WWP1: variants seen among roughly 807,000 people sequenced by gnomAD.
WWP1 encodes WW domain containing E3 ubiquitin protein ligase 1.
A neutral mutation model predicts 130.6 loss-of-function variants in WWP1; 49 were observed. The ratio of observed to expected loss-of-function variants is 0.38; its 90% confidence interval spans 0.30 to 0.48. The LOEUF (loss-of-function observed/expected upper bound fraction) is 0.48, where lower values mean the gene tolerates loss of function less well. Ranked by LOEUF, WWP1 falls within the 20% of genes least tolerant of loss-of-function variation. The pLI is 0.99. For synonymous variants in WWP1, 332 were observed against 367.8 expected, an observed-to-expected ratio of 0.90 and a Z score of 1.11; for missense variants, 809 against 1,100.6, an observed-to-expected ratio of 0.74 and a Z score of 3.75.
intron 17 of WWP1, chr8:86,440,782 T>G (rs1164261787): frequency 2.4e-6 from 1 of 408,374 alleles, no homozygotes; most frequent in Non-Finnish European, 4.8e-6. Flanking sequence ...ATCTTTTCTC[T>G]GATCATTTTT....
chr8:86,457,366 G>C (rs1435750090), intron 21 of WWP1, among the ~76,000 whole-genome samples: 1 of 151,664 alleles, frequency 6.6e-6, no homozygotes, highest in African/African-American at 2.4e-5. Flanking sequence ...CCAGAAATAG[G>C]TTTGGAACTA....
chr8:86,362,829 A>T (rs1459511170), intron 1 of WWP1, among the ~76,000 whole-genome samples: 3 of 152,208 alleles, frequency 2.0e-5, no homozygotes, highest in Admixed American at 6.5e-5. Context: ...AAAAGCTGGG[A>T]TTAGTATCTC....
chr8:86,439,944 A>G (rs1810504493), intron 17 of WWP1, among the ~76,000 whole-genome samples: 1 of 152,220 alleles, frequency 6.6e-6, no homozygotes, highest in Admixed American at 6.5e-5. Flanking sequence ...ACCAAGTACA[A>G]CTGATGGGGA....
At chr8:86,426,744 G>A (rs1021134696) in intron 10 of WWP1, among the ~76,000 whole-genome samples, 3 of 152,198 alleles carry the variant, frequency 2.0e-5, no homozygotes, top group African/African-American at 7.2e-5. Flanking sequence ...CAATATAATG[G>A]CAGGAAGGTG....
chr8:86,342,973 G>A, intron 1 of WWP1, 43 bp downstream of exon 1: 1 of 291,246 alleles, frequency 3.4e-6, no homozygotes. Context: ...GAATGGGCAG[G>A]GCGGGAGGGG....
intron 8 of WWP1, among the ~76,000 whole-genome samples, chr8:86,402,970 A>G (rs546806286): frequency 1.1e-4 from 16 of 152,342 alleles, no homozygotes; most frequent in African/African-American, 3.8e-4. Context: ...TTTATTTTCC[A>G]AAAGTAAGCA....
At chr8:86,402,643 A>G (rs560323095) in intron 8 of WWP1, among the ~76,000 whole-genome samples, 6 of 152,308 alleles carry the variant, frequency 3.9e-5, no homozygotes, top group South Asian at 2.1e-4. Context: ...TAAAAATTAC[A>G]ATGCCTGAAA....
intron 18 of WWP1, 63 bp downstream of exon 18, chr8:86,442,841 T>TAA: frequency 7.6e-5 from 91 of 1,196,682 alleles, no homozygotes; most frequent in South Asian, 2.2e-4. Context: ...AGAAGGCTTT[T>TAA]AAAAAAAAAA....
intron 1 of WWP1, among the ~76,000 whole-genome samples, chr8:86,355,728 T>TTGTAAAC (rs1823216250): frequency 6.6e-6 from 1 of 152,196 alleles, no homozygotes; most frequent in South Asian, 2.1e-4. Context: ...AATTGTTCTT[T>TTGTAAAC]CTCTTTTAAC....
Position 86,448,144 on chromosome 8 carries a change from G to A in WWP1, c.1999-4G>A, listed in dbSNP as rs760579564. The A allele has an allele frequency of 2.6e-6, 4 of 1,543,374 alleles. No individual in the cohort carries two copies. Among genetic ancestry groups the A allele is most frequent in the Admixed American group, 5.0e-5 (2 of 40,078 alleles). ...TAAATAAAATTTTTCATTTTTCTTT[G>A]CAGGCACTATTTCATGGAAAGTTTA... On this transcript the variant is annotated splice_region_variant and splice_polypyrimidine_tract_variant and intron_variant, in intron 18 of 24. Transcript: ENST00000517970.
intron 3 of WWP1, among the ~76,000 whole-genome samples, chr8:86,377,878 A>G (rs993479340): frequency 1.3e-5 from 2 of 152,164 alleles, no homozygotes; most frequent in South Asian, 2.1e-4. Flanking sequence ...TTTTTAAAGT[A>G]AAAGTGTCAA....
chr8:86,461,909 T>TA lies in WWP1; in HGVS notation c.2669+68dup, dbSNP rs760120064. 2.5e-4 allele frequency: 340 copies of TA among 1,358,120 alleles called. 1 individual carries two copies. Among genetic ancestry groups the TA allele is most frequent in the Non-Finnish European group, 3.4e-4 (327 of 961,146 alleles). 84.1% of individuals were successfully genotyped at this position (1,358,120 alleles called of 1,614,324 possible). On this transcript the variant is annotated intron_variant, in intron 24 of 24. Coordinates refer to ENST00000517970, the MANE Select transcript of WWP1 (RefSeq NM_007013.4). ...CAGAGAATCTTTTGTTTTGTTTTTT[T>TA]AAAAATATGTAAGATCCAGTATAAC...
intron 9 of WWP1, 68 bp from the exon 10 acceptor site, chr8:86,425,155 G>A: frequency 1.5e-6 from 2 of 1,294,468 alleles, no homozygotes; most frequent in Non-Finnish European, 2.2e-6. Flanking sequence ...CTGATTATAA[G>A]GAAGAGTCAT....
At chr8:86,416,010 G>A (rs1808871768) in intron 9 of WWP1, among the ~76,000 whole-genome samples, 1 of 152,212 alleles carries the variant, frequency 6.6e-6, no homozygotes, top group African/African-American at 2.4e-5. Context: ...AAAAGCTCTG[G>A]CTGGTAAATG....
chr8:86,445,976 C>CTTTTTTTTTTTTT (rs56731329), intron 18 of WWP1, among the ~76,000 whole-genome samples: 4 of 84,984 alleles, frequency 4.7e-5, no homozygotes, highest in African/African-American at 1.7e-4. Flanking sequence ...CTTTTCTTTT[C>CTTTTTTTTTTTTT]TTTTTTTTTT....
intron 7 of WWP1, 70 bp from the exon 8 acceptor site, chr8:86,401,946 ATCC>A: frequency 1.5e-6 from 2 of 1,337,150 alleles, no homozygotes; most frequent in Non-Finnish European, 2.0e-6. Context: ...AATTTAGTAA[ATCC>A]TATGAAAATT....
At chr8:86,390,701 G>C (rs76840865) in intron 5 of WWP1, among the ~76,000 whole-genome samples, 21,452 of 149,874 alleles carry the variant, frequency 0.14, 1,715 homozygotes, top group Non-Finnish European at 0.18. Flanking sequence ...GGAGACGAGA[G>C]GGAGACGGGA....
At chr8:86,451,795 T>C (rs1257195757) in intron 20 of WWP1, among the ~76,000 whole-genome samples, 1 of 152,198 alleles carries the variant, frequency 6.6e-6, no homozygotes, top group East Asian at 1.9e-4. Flanking sequence ...GTAGTTCTTT[T>C]CAGATCCATC....
intron 14 of WWP1, among the ~76,000 whole-genome samples, chr8:86,434,869 T>C (rs571090617): frequency 3.1e-4 from 47 of 152,342 alleles, no homozygotes; most frequent in African/African-American, 9.1e-4. Context: ...TCTTTGTGCC[T>C]GTCAGGCCCT....
Sources: gnomAD v4.1 joint callset for allele counts (sites outside exome capture counted in the v4.1 genomes callset) on GRCh38, gnomAD v4.1.1 for gene constraint, MANE v1.5 for transcripts, NCBI Gene and HGNC (gene_info 2026-07-23, HGNC 2026-07-21) for gene names.